Variants in DIPK1A observed in about 807,000 individuals in gnomAD.
The protein encoded by DIPK1A is family with sequence similarity 69 member A.
DIPK1A carries 27 observed loss-of-function variants against 40.8 expected under a neutral mutation model. The observed-to-expected ratio is 0.66, with a 90% CI of 0.49 to 0.91. The LOEUF (loss-of-function observed/expected upper bound fraction) is 0.91. Ranked by LOEUF, DIPK1A falls within the 40% of genes least tolerant of loss-of-function variation. DIPK1A has a pLI of 0.00. For synonymous variants in DIPK1A, 166 were observed against 171.3 expected, an observed-to-expected ratio of 0.97 and a Z score of 0.24; for missense variants, 412 against 505.7, an observed-to-expected ratio of 0.81 and a Z score of 1.78.
At chr1:92,943,625 G>A (rs1354176640) in intron 1 of DIPK1A, among the ~76,000 whole-genome samples, 1 of 152,164 alleles carries the variant, frequency 6.6e-6, no homozygotes, top group African/African-American at 2.4e-5. Context: ...TCTAGTGTGG[G>A]TATGTATAGT....
chr1:92,912,940 A>G (rs1375481003), intron 1 of DIPK1A, among the ~76,000 whole-genome samples: 1 of 149,800 alleles, frequency 6.7e-6, no homozygotes, highest in Non-Finnish European at 1.5e-5. Flanking sequence ...GTCTCTATGA[A>G]ATAAAAAAAA....
At chr1:92,944,970 G>GTT (rs1355980438) in intron 1 of DIPK1A, among the ~76,000 whole-genome samples, 5 of 152,074 alleles carry the variant, frequency 3.3e-5, no homozygotes, top group Non-Finnish European at 7.4e-5. Flanking sequence ...CACTCGAAAA[G>GTT]TTTACTTCCC....
At chr1:92,833,370 A>C (rs1379231105) in intron 4 of DIPK1A, 1 of 1,587,662 alleles carries the variant, frequency 6.3e-7, no homozygotes, top group Non-Finnish European at 8.6e-7. Flanking sequence ...AGTTTTAATA[A>C]CATTCTTTTT....
At chr1:92,862,040 TTA>T (rs1647306243) in intron 2 of DIPK1A, among the ~76,000 whole-genome samples, 1 of 152,270 alleles carries the variant, frequency 6.6e-6, no homozygotes, top group African/African-American at 2.4e-5. Context: ...TGGCAACTCT[TTA>T]TGAGTGTTCT....
At chr1:92,864,088 C>T (rs889892422) in intron 2 of DIPK1A, among the ~76,000 whole-genome samples, 1 of 151,746 alleles carries the variant, frequency 6.6e-6, no homozygotes, top group African/African-American at 2.4e-5. Context: ...AAAAAAACAA[C>T]AAAAAAACCC....
At chr1:92,919,198 C>CA (rs1437650882) in intron 1 of DIPK1A, among the ~76,000 whole-genome samples, 4 of 152,156 alleles carry the variant, frequency 2.6e-5, no homozygotes, top group African/African-American at 9.7e-5. Context: ...TTGTATAAAG[C>CA]AATACACGGC....
chr1:92,887,339 T>C (rs1648656648), intron 1 of DIPK1A, among the ~76,000 whole-genome samples: 1 of 151,708 alleles, frequency 6.6e-6, no homozygotes, highest in African/African-American at 2.4e-5. Context: ...GGTGAGAGTA[T>C]TGATTGAGAC....
chr1:92,874,920 C>T (rs1445517198), intron 2 of DIPK1A, among the ~76,000 whole-genome samples: 1 of 152,030 alleles, frequency 6.6e-6, no homozygotes, highest in Non-Finnish European at 1.5e-5. Flanking sequence ...ACATTGGCCC[C>T]AGAGATACCT....
rs967017028 is a variant in DIPK1A at position 92,844,189 on chromosome 1, A to G, written c.481T>C (p.Leu161=). The G allele has an allele frequency of 6.5e-7, 1 of 1,542,522 alleles. No individual in the cohort carries two copies. Among genetic ancestry groups the G allele is most frequent in the Non-Finnish European group, 8.8e-7 (1 of 1,140,926 alleles). Residue 161 remains leucine (L), a synonymous_variant, in exon 5 of 5, where the codon TTG becomes CTG. Transcript: ENST00000370310. ...EMVYSLFKAK[L]GDQGNLSELV... is the part of the protein sequence containing the mutation. ...TCAGAGAGGTTTCCTTGGTCACCCA[A>G]TTTTGCCTGTCAAGAATTTGGCTAG...
intron 1 of DIPK1A, among the ~76,000 whole-genome samples, chr1:92,944,495 G>A (rs1385940393): frequency 6.6e-6 from 1 of 152,180 alleles, no homozygotes; most frequent in Non-Finnish European, 1.5e-5. Context: ...AATCAAACTA[G>A]CTTCTTGTCA....
chr1:92,930,416 A>G (rs1484430995), intron 1 of DIPK1A, among the ~76,000 whole-genome samples: 2 of 152,140 alleles, frequency 1.3e-5, no homozygotes, highest in Non-Finnish European at 2.9e-5. Flanking sequence ...AAACTTAATT[A>G]GGTAGTAATA....
At chr1:92,880,647 T>C (rs1256828959) in intron 1 of DIPK1A, among the ~76,000 whole-genome samples, 1 of 151,542 alleles carries the variant, frequency 6.6e-6, no homozygotes, top group East Asian at 1.9e-4. Flanking sequence ...GGTGGGAGGA[T>C]CATGGAGCCA....
chr1:92,851,720 G>T (rs1687834302), intron 2 of DIPK1A, among the ~76,000 whole-genome samples: 1 of 151,954 alleles, frequency 6.6e-6, no homozygotes, highest in South Asian at 2.1e-4. Flanking sequence ...CAATAAATGA[G>T]GATGACCTGC....
At chr1:92,882,975 A>T (rs908389407) in intron 1 of DIPK1A, among the ~76,000 whole-genome samples, 1 of 152,244 alleles carries the variant, frequency 6.6e-6, no homozygotes, top group African/African-American at 2.4e-5. Flanking sequence ...CGGTTGTGCC[A>T]GGAGGAAGTC....
intron 1 of DIPK1A, among the ~76,000 whole-genome samples, chr1:92,953,269 C>T (rs949646868): frequency 2.7e-5 from 4 of 146,810 alleles, no homozygotes; most frequent in African/African-American, 5.0e-5. Context: ...GAAGTGCAGA[C>T]GGGGATGTGG....
chr1:92,867,658 G>C (rs1454110062), intron 2 of DIPK1A, among the ~76,000 whole-genome samples: 1 of 152,088 alleles, frequency 6.6e-6, no homozygotes, highest in East Asian at 1.9e-4. Flanking sequence ...GGCGTGCACT[G>C]GCACACCTGG....
At chr1:92,936,107 A>T (rs1470247713) in intron 1 of DIPK1A, among the ~76,000 whole-genome samples, 1 of 151,958 alleles carries the variant, frequency 6.6e-6, no homozygotes, top group Non-Finnish European at 1.5e-5. Flanking sequence ...CAAAAGAACA[A>T]CAATAAGAAC....
chr1:92,833,249 T>C, intron 4 of DIPK1A: 1 of 720,432 alleles, frequency 1.4e-6, no homozygotes, highest in Non-Finnish European at 2.4e-6. Context: ...CCTAGTTGCT[T>C]GTGAAACCTG....
intron 1 of DIPK1A, among the ~76,000 whole-genome samples, chr1:92,910,378 C>A (rs977786920): frequency 2.0e-5 from 3 of 152,062 alleles, no homozygotes; most frequent in African/African-American, 7.2e-5. Flanking sequence ...AATCAGAATC[C>A]GTAGGGAGTA....
Sources: allele counts gnomAD v4.1 joint callset (sites outside exome capture counted in the v4.1 genomes callset), GRCh38; gene constraint gnomAD v4.1.1; transcripts MANE v1.5; gene names NCBI Gene and HGNC (gene_info 2026-07-23, HGNC 2026-07-21).